Variants in POU6F2 observed in about 807,000 individuals in gnomAD.
The protein encoded by POU6F2 is POU domain, class 6, transcription factor 2.
Under a neutral mutation model 71.3 loss-of-function variants are expected in POU6F2, and 31 were observed. The observed-to-expected ratio is 0.43, with a 90% CI of 0.33 to 0.59. The LOEUF (loss-of-function observed/expected upper bound fraction) is 0.59, where lower values mean the gene tolerates loss of function less well. Among genes scored for constraint, POU6F2 ranks in the 20% least tolerant of loss-of-function variants. The pLI is 0.04. For synonymous variants in POU6F2, 347 were observed against 355.7 expected, an observed-to-expected ratio of 0.98 and a Z score of 0.27; for missense variants, 783 against 856.8, an observed-to-expected ratio of 0.91 and a Z score of 1.07.
At chr7:39,321,934 A>G (rs1785404234) in intron 4 of POU6F2, among the ~76,000 whole-genome samples, 1 of 150,712 alleles carries the variant, frequency 6.6e-6, no homozygotes, top group African/African-American at 2.4e-5. Context: ...GAGAGAGAAA[A>G]TGGGAGACTA....
intron 2 of POU6F2, among the ~76,000 whole-genome samples, chr7:39,197,327 G>A (rs746461309): frequency 1.3e-5 from 2 of 152,254 alleles, no homozygotes; most frequent in East Asian, 3.9e-4. Context: ...ACACATCCCA[G>A]CCGGAAGGTT....
intron 1 of POU6F2, among the ~76,000 whole-genome samples, chr7:38,980,706 C>CT (rs1048621757): frequency 1.6e-3 from 239 of 149,066 alleles, no homozygotes; most frequent in East Asian, 5.5e-3. Context: ...TTATTTTTGT[C>CT]TTTTTTTTTT....
intron 5 of POU6F2, among the ~76,000 whole-genome samples, chr7:39,397,692 C>T (rs1787202761): frequency 6.7e-6 from 1 of 149,182 alleles, no homozygotes; most frequent in Non-Finnish European, 1.5e-5. Context: ...GGGGTTTTAC[C>T]ATGTTGCCCA....
intron 1 of POU6F2, among the ~76,000 whole-genome samples, chr7:39,073,448 T>C (rs1052528137): frequency 1.3e-5 from 2 of 151,694 alleles, no homozygotes; most frequent in Non-Finnish European, 2.9e-5. Context: ...TGAGAAGATT[T>C]AGCTAATCTT....
At chr7:39,399,419 G>A (rs193264760) in intron 5 of POU6F2, among the ~76,000 whole-genome samples, 87 of 152,308 alleles carry the variant, frequency 5.7e-4, no homozygotes, top group African/African-American at 2.0e-3. Context: ...ACTTCTGTCC[G>A]ACTTGGCTAC....
intron 1 of POU6F2, among the ~76,000 whole-genome samples, chr7:39,077,679 T>C (rs1389458854): frequency 6.6e-6 from 1 of 152,216 alleles, no homozygotes; most frequent in Admixed American, 6.5e-5. Flanking sequence ...ACTGCCCATA[T>C]GTGCACACTC....
chr7:39,347,358 G>T, intron 5 of POU6F2, among the ~76,000 whole-genome samples: 1 of 152,128 alleles, frequency 6.6e-6, no homozygotes, highest in Non-Finnish European at 1.5e-5. Context: ...ACCCATAGTA[G>T]CTAGAATGAG....
At chr7:39,184,674 C>T (rs2128742093) in intron 2 of POU6F2, among the ~76,000 whole-genome samples, 1 of 152,320 alleles carries the variant, frequency 6.6e-6, no homozygotes, top group East Asian at 1.9e-4. Context: ...GTGGGGCACT[C>T]ATGCTCAAAA....
chr7:39,235,044 GC>G (rs1186503123), intron 4 of POU6F2, among the ~76,000 whole-genome samples: 1 of 152,204 alleles, frequency 6.6e-6, no homozygotes, highest in Non-Finnish European at 1.5e-5. Flanking sequence ...TTCTGTCTCT[GC>G]TGTCTTTAGG....
intron 5 of POU6F2, among the ~76,000 whole-genome samples, chr7:39,394,839 C>A (rs1787140894): frequency 6.6e-6 from 1 of 152,106 alleles, no homozygotes; most frequent in African/African-American, 2.4e-5. Context: ...CTTAGCATAC[C>A]CCTACACTGG....
intron 4 of POU6F2, among the ~76,000 whole-genome samples, chr7:39,272,269 CT>C (rs1355293041): frequency 6.6e-6 from 1 of 152,136 alleles, no homozygotes; most frequent in Admixed American, 6.5e-5. Flanking sequence ...CCTCCCACTA[CT>C]GTAGAGAGAT....
Position 39,056,041 on chromosome 7 carries a change from GTTTT to G in POU6F2, c.106-29818_106-29815del, listed in dbSNP as rs1202042964. 2.7e-5 allele frequency among the ~76,000 whole-genome samples: 4 copies of G among 149,086 alleles called. No homozygotes were observed. The East Asian group carries it at 7.8e-4, about 29-fold the overall frequency. On this transcript the variant is annotated intron_variant, in intron 1 of 9. Coordinates refer to ENST00000518318, the MANE Select transcript of POU6F2 (RefSeq NM_001370959.1). ...AAAAAAGCCATTTGGTATTTGCTTT[GTTTT>G]ATTTGCATTTAATAACTGGATTGAT...
In POU6F2 at chr7:39,174,689, T is replaced by C. The variant is rs928974988; in HGVS notation, c.278-29546T>C. Among the ~76,000 whole-genome samples the C allele has an allele frequency of 2.3e-4, 35 of 152,048 alleles. 1 individual carries two copies. Among genetic ancestry groups the C allele is most frequent in the African/African-American group, 8.2e-4 (34 of 41,400 alleles). On this transcript the variant is annotated intron_variant, in intron 2 of 9. Coordinates refer to ENST00000518318, the MANE Select transcript of POU6F2 (RefSeq NM_001370959.1). ...CACTCACCTGATCTCCTCAGTCCCC[T>C]CTCTCCTCAGTCTTCACCTGATCAC... is the stretch of plus-strand genomic sequence containing the variant.
At chr7:39,103,036 CAA>C (rs1431948632) in intron 2 of POU6F2, among the ~76,000 whole-genome samples, 2 of 75,080 alleles carry the variant, frequency 2.7e-5, no homozygotes, top group Non-Finnish European at 5.5e-5. Flanking sequence ...CAAATAATAA[CAA>C]AACAAAGATA....
intron 1 of POU6F2, among the ~76,000 whole-genome samples, chr7:39,050,828 A>G (rs1412399095): frequency 1.3e-5 from 2 of 152,168 alleles, no homozygotes; most frequent in Non-Finnish European, 2.9e-5. Flanking sequence ...ATGGATTTCC[A>G]CAGTTCTCAT....
intron 2 of POU6F2, among the ~76,000 whole-genome samples, chr7:39,142,778 C>T (rs928738032): frequency 5.3e-5 from 8 of 152,198 alleles, no homozygotes; most frequent in African/African-American, 1.9e-4. Flanking sequence ...AGCACCCTTA[C>T]ACCTTCTTTC....
intron 4 of POU6F2, among the ~76,000 whole-genome samples, chr7:39,212,039 A>G (rs1794152419): frequency 6.6e-6 from 1 of 152,166 alleles, no homozygotes; most frequent in Non-Finnish European, 1.5e-5. Context: ...AATTCTGACT[A>G]TCCAAGAGAG....
intron 4 of POU6F2, among the ~76,000 whole-genome samples, chr7:39,291,677 A>G (rs1158751506): frequency 6.6e-6 from 1 of 152,214 alleles, no homozygotes; most frequent in African/African-American, 2.4e-5. Flanking sequence ...CATGAAGAAG[A>G]ACCTCAGAAG....
chr7:39,419,023 ATG>A (rs1220335437), intron 6 of POU6F2, among the ~76,000 whole-genome samples: 8 of 146,344 alleles, frequency 5.5e-5, no homozygotes, highest in Non-Finnish European at 1.0e-4. Flanking sequence ...ATGTATATAT[ATG>A]TGTGTATATA....
Sources: gnomAD v4.1 joint callset for allele counts (sites outside exome capture counted in the v4.1 genomes callset) on GRCh38, gnomAD v4.1.1 for gene constraint, MANE v1.5 for transcripts, NCBI Gene and HGNC (gene_info 2026-07-23, HGNC 2026-07-21) for gene names.